PI4K2A: variants seen among roughly 807,000 people sequenced by gnomAD.
The protein encoded by PI4K2A is phosphatidylinositol 4-kinase type 2 alpha.
In PI4K2A, 20 loss-of-function variants were observed where a neutral mutation model predicts 55.0. The observed-to-expected ratio is 0.36, with a 90% CI of 0.26 to 0.53. PI4K2A has a LOEUF of 0.53. Ranked by LOEUF, PI4K2A falls within the 20% of genes least tolerant of loss-of-function variation. The pLI is 0.91. For missense variants in PI4K2A, 463 were observed against 637.1 expected (o/e 0.73, Z 2.94); for synonymous variants, 235 against 258.5 (o/e 0.91, Z 0.87).
At chr10:97,640,838 CGGG>C in exon 1 of PI4K2A, 1 of 1,402,666 alleles carries the variant, frequency 7.1e-7, no homozygotes, top group Middle Eastern at 2.7e-4. Flanking sequence ...CGCAGGTGCC[CGGG>C]GGCGCGGTCC....
intron 1 of PI4K2A, among the ~76,000 whole-genome samples, chr10:97,645,303 C>T (rs750036992): frequency 8.6e-5 from 13 of 151,966 alleles, no homozygotes; most frequent in Non-Finnish European, 1.6e-4. Context: ...TACATGGTAT[C>T]GAATAAGGCT....
At chr10:97,655,367 C>T (rs886914951) in intron 2 of PI4K2A, among the ~76,000 whole-genome samples, 5 of 103,014 alleles carry the variant, frequency 4.9e-5, no homozygotes, top group African/African-American at 1.9e-4. Flanking sequence ...GAGACTCTGT[C>T]TCAAAAAAAA....
intron 1 of PI4K2A, among the ~76,000 whole-genome samples, chr10:97,642,924 C>CCTG (rs2041485524): frequency 8.8e-6 from 1 of 113,536 alleles, no homozygotes; most frequent in Non-Finnish European, 1.8e-5. Flanking sequence ...TTCCTTCCTT[C>CCTG]CTTTCTTTCC....
intron 6 of PI4K2A, among the ~76,000 whole-genome samples, chr10:97,666,067 T>A (rs1589937846): frequency 6.6e-6 from 1 of 152,186 alleles, no homozygotes; most frequent in East Asian, 1.9e-4. Context: ...CTGTTGTAAC[T>A]GAGAAGCTTC....
At chr10:97,671,227 T>C (rs992414529) in intron 8 of PI4K2A, among the ~76,000 whole-genome samples, 2 of 152,188 alleles carry the variant, frequency 1.3e-5, no homozygotes, top group African/African-American at 2.4e-5. Context: ...GTGATACTAA[T>C]TTTGACAAAG....
chr10:97,644,694 C>G (rs2041495537), intron 1 of PI4K2A, among the ~76,000 whole-genome samples: 1 of 152,194 alleles, frequency 6.6e-6, no homozygotes, highest in South Asian at 2.1e-4. Context: ...TGAATATGCC[C>G]CCATCCTTTA....
chr10:97,664,169 A>G (rs1339683341), intron 5 of PI4K2A, among the ~76,000 whole-genome samples: 2 of 152,200 alleles, frequency 1.3e-5, no homozygotes, highest in Non-Finnish European at 2.9e-5. Flanking sequence ...TCAGGTCTGG[A>G]GTAAAACTCA....
intron 2 of PI4K2A, among the ~76,000 whole-genome samples, chr10:97,651,773 C>A (rs986091206): frequency 2.6e-5 from 4 of 151,378 alleles, no homozygotes; most frequent in African/African-American, 9.7e-5. Context: ...CCAACCCCCA[C>A]CCCCACCAAT....
chr10:97,641,140 G>A, exon 1 of PI4K2A: 1 of 1,607,310 alleles, frequency 6.2e-7, no homozygotes, highest in Non-Finnish European at 8.5e-7. Context: ...ATCTACCAGG[G>A]CTCCAGCGGA....
At chr10:97,641,052 T>A in exon 1 of PI4K2A, 1 of 1,603,198 alleles carries the variant, frequency 6.2e-7, no homozygotes, top group Non-Finnish European at 8.5e-7. Flanking sequence ...GCGGAACGAG[T>A]TCCCGGAGGA....
At chr10:97,647,202 C>T (rs1191011648) in intron 1 of PI4K2A, among the ~76,000 whole-genome samples, 1 of 146,532 alleles carries the variant, frequency 6.8e-6, no homozygotes, top group Admixed American at 6.7e-5. Context: ...ATCTGTACCT[C>T]ACCCCTCCTT....
At position 97,642,861 on chromosome 10, in the gene PI4K2A, T is replaced by G. The variant is rs1361346362; in HGVS notation, c.435+1684T>G. Among the ~76,000 whole-genome samples the G allele has an allele frequency of 2.7e-3, 44 of 16,378 alleles. 3 individuals are homozygous for G. Among genetic ancestry groups the G allele is most frequent in the Non-Finnish European group, 4.5e-3 (33 of 7,390 alleles). The allele number at this position is 16,378 out of a possible 152,430, so 10.7% of individuals were successfully genotyped here. A position where few individuals can be genotyped will look rare whatever the true frequency, so the allele number is the denominator to read the frequency against. ...TTCCTTCCTTCCTTCCTTTCTTTCTTTCTTTTTCTTTCTTTCTTTCTTTCT... is the reference window on the plus strand; with the variant it reads ...TTCCTTCCTTCCTTCCTTTCTTTCTGTCTTTTTCTTTCTTTCTTTCTTTCT... On this transcript the variant is annotated intron_variant, in intron 1 of 8. Transcript: ENST00000370631.
chr10:97,660,190 A>G (rs1340340438), intron 4 of PI4K2A, among the ~76,000 whole-genome samples: 1 of 147,146 alleles, frequency 6.8e-6, no homozygotes, highest in Non-Finnish European at 1.5e-5. Flanking sequence ...TTTAGTAGAG[A>G]TGGGGTTTCA....
rs1421047283 is a variant in PI4K2A, at chr10:97,656,547, A to G, written c.768+131A>G. The stretch of plus-strand genomic sequence containing the variant: ...CTGCCCTGAGGATCCTGTCTTCCTT[A>G]TTTCTGTCAAGTGGCTAAGGTTTGA... On this transcript the variant is annotated intron_variant, in intron 3 of 8. Transcript: ENST00000370631. This position sits in a 1 kb window ranked among gnomAD's most constrained non-coding sequence, Gnocchi z 4.5. 2.3e-6 allele frequency: 2 copies of G among 864,192 alleles called. No homozygotes were observed. The highest frequency in any genetic ancestry group is 3.6e-6 in the Non-Finnish European group (2 of 559,016). The allele number at this position is 864,192 out of a possible 1,614,324, so 53.5% of individuals were successfully genotyped here.
At chr10:97,655,326 T>C (rs547193943) in intron 2 of PI4K2A, among the ~76,000 whole-genome samples, 61 of 141,550 alleles carry the variant, frequency 4.3e-4, no homozygotes, top group African/African-American at 1.5e-3. Flanking sequence ...GCCGAGACTG[T>C]GCCACTGCAC....
chr10:97,650,278 C>CTTTTT lies in PI4K2A; in HGVS notation c.436-651_436-647dup, dbSNP rs71007356. ...TCTACCACTGAATTGGCTTCTGTACCTTTTTTTTTTTTTTTTGTGAGACAG... is the reference window on the plus strand; with the variant it reads ...TCTACCACTGAATTGGCTTCTGTACCTTTTTTTTTTTTTTTTTTTTTGTGAGACAG... On this transcript the variant is annotated intron_variant, in intron 1 of 8. Transcript: ENST00000370631. Among the ~76,000 whole-genome samples the CTTTTT allele has an allele frequency of 8.3e-5, 9 of 108,070 alleles. 1 individual carries two copies. Among genetic ancestry groups the CTTTTT allele is most frequent in the Non-Finnish European group, 8.8e-5 (5 of 56,948 alleles). The allele number at this position is 108,070 out of a possible 152,430, so 70.9% of individuals were successfully genotyped here.
intron 8 of PI4K2A, among the ~76,000 whole-genome samples, chr10:97,669,093 T>C (rs2041623797): frequency 6.6e-6 from 1 of 152,176 alleles, no homozygotes; most frequent in East Asian, 1.9e-4. Context: ...CTCAAACTCC[T>C]GATCTCAGGT....
chr10:97,664,993 C>G lies in PI4K2A; in HGVS notation c.1084+9C>G. 6.4e-7 allele frequency: 1 copy of G among 1,566,606 alleles called. No individual in the cohort carries two copies. Among genetic ancestry groups the G allele is most frequent in the Non-Finnish European group, 8.8e-7 (1 of 1,137,080 alleles). ...TGACTCCTGGAGGGCATGTAAGTCT[C>G]CAGACAATGGTGGTCTGGCTCTTCC... On this transcript the variant is annotated intron_variant, in intron 6 of 8. Coordinates refer to ENST00000370631, the Ensembl canonical transcript of PI4K2A.
chr10:97,653,734 G>T (rs61863300), intron 2 of PI4K2A, among the ~76,000 whole-genome samples: 25,726 of 152,130 alleles, frequency 0.17, 2,380 homozygotes, highest in Non-Finnish European at 0.21. Context: ...CTGGCCAACA[G>T]GGTGAAACCC....
Sources: gnomAD v4.1 joint callset for allele counts (sites outside exome capture counted in the v4.1 genomes callset) on GRCh38, gnomAD v4.1.1 for gene constraint, Gnocchi (gnomAD v3.1) non-coding constraint, MANE v1.5 for transcripts, NCBI Gene and HGNC (gene_info 2026-07-23, HGNC 2026-07-21) for gene names.